Variants in FAR2 observed in about 807,000 individuals in gnomAD.
The protein encoded by FAR2 is fatty acyl-CoA reductase 2, also known as epididymis secretory protein Li 81.
In FAR2, 19 loss-of-function variants were observed where a neutral mutation model predicts 56.0. The ratio of observed to expected loss-of-function variants is 0.34; its 90% CI spans 0.24 to 0.50. FAR2 has a LOEUF of 0.50. Ranked by LOEUF, FAR2 falls within the 20% of genes least tolerant of loss-of-function variation. FAR2 has a pLI of 0.98. For synonymous variants in FAR2, 219 were observed against 218.8 expected, an observed-to-expected ratio of 1.00 and a Z score of -0.01; for missense variants, 508 against 642.2, an observed-to-expected ratio of 0.79 and a Z score of 2.26.
intron 6 of FAR2, among the ~76,000 whole-genome samples, chr12:29,310,199 C>T (rs1218590604): frequency 6.6e-6 from 1 of 152,196 alleles, no homozygotes; most frequent in Non-Finnish European, 1.5e-5. Flanking sequence ...GATCCCAAAA[C>T]GGCTTTCATT....
intron 1 of FAR2, among the ~76,000 whole-genome samples, chr12:29,210,925 A>T (rs2136628287): frequency 6.9e-6 from 1 of 144,526 alleles, no homozygotes; most frequent in Non-Finnish European, 1.5e-5. Context: ...GGTGTGACAG[A>T]GTGAGACTCC....
intron 1 of FAR2, among the ~76,000 whole-genome samples, chr12:29,196,280 G>C (rs949176143): frequency 6.6e-6 from 1 of 152,068 alleles, no homozygotes; most frequent in Non-Finnish European, 1.5e-5. Flanking sequence ...TTCCATAGAG[G>C]TTGTACTAAT....
In FAR2 at chr12:29,295,784, C is replaced by CG. The variant is rs1273827133; in HGVS notation, c.366-1235dup. Among the ~76,000 whole-genome samples the CG allele has an allele frequency of 8.5e-4, 77 of 90,330 alleles. 1 individual carries two copies. The Admixed American group carries it at 9.4e-3, about 11-fold the overall frequency. The allele number at this position is 90,330 out of a possible 152,430, so 59.3% of individuals were successfully genotyped here. ...TTTTTTTTTTTTTTTTTTTTTGAGA[C>CG]GGAGTCTCGCTCTGTCGCCCAGGCC... On this transcript the variant is annotated intron_variant, in intron 3 of 11. Coordinates refer to ENST00000536681, the MANE Select transcript of FAR2 (RefSeq NM_001271783.2).
At chr12:29,247,060 C>T (rs867315309) in intron 1 of FAR2, among the ~76,000 whole-genome samples, 1 of 152,230 alleles carries the variant, frequency 6.6e-6, no homozygotes, top group South Asian at 2.1e-4. Flanking sequence ...CATGTATTTA[C>T]ATTTACTCAC....
chr12:29,181,029 C>T (rs943810105), intron 1 of FAR2, among the ~76,000 whole-genome samples: 1 of 151,914 alleles, frequency 6.6e-6, no homozygotes, highest in African/African-American at 2.4e-5. Flanking sequence ...AGTTTTATTA[C>T]CCTTAAATAT....
At chr12:29,213,978 T>G (rs1369583813) in intron 1 of FAR2, among the ~76,000 whole-genome samples, 1 of 152,186 alleles carries the variant, frequency 6.6e-6, no homozygotes, top group South Asian at 2.1e-4. Context: ...ATAAATATAA[T>G]CTGAAGTTCC....
intron 2 of FAR2, among the ~76,000 whole-genome samples, chr12:29,291,088 A>C (rs1422873079): frequency 6.6e-6 from 1 of 152,138 alleles, no homozygotes; most frequent in Non-Finnish European, 1.5e-5. Context: ...CCTGTATAAA[A>C]ACATCTCATG....
intron 1 of FAR2, among the ~76,000 whole-genome samples, chr12:29,224,841 G>A (rs551824715): frequency 6.6e-6 from 1 of 152,278 alleles, no homozygotes; most frequent in East Asian, 1.9e-4. Context: ...ATGATTATAT[G>A]GAACAGTTGA....
At chr12:29,168,911 T>A (rs1013996999) in intron 1 of FAR2, among the ~76,000 whole-genome samples, 9 of 152,214 alleles carry the variant, frequency 5.9e-5, no homozygotes, top group African/African-American at 2.2e-4. Context: ...TGATCCATTT[T>A]ACAGAGCGTT....
intron 4 of FAR2, among the ~76,000 whole-genome samples, chr12:29,301,434 T>G (rs1247212161): frequency 6.6e-6 from 1 of 152,216 alleles, no homozygotes; most frequent in Non-Finnish European, 1.5e-5. Flanking sequence ...AATTCCAGTT[T>G]TCCAGAATAA....
chr12:29,176,026 T>C (rs1949934813), intron 1 of FAR2, among the ~76,000 whole-genome samples: 1 of 152,214 alleles, frequency 6.6e-6, no homozygotes, highest in Admixed American at 6.5e-5. Context: ...TTATGAAATT[T>C]AAAAGGTTGG....
intron 1 of FAR2, among the ~76,000 whole-genome samples, chr12:29,153,027 A>G (rs1949693450): frequency 1.3e-5 from 2 of 152,234 alleles, no homozygotes; most frequent in South Asian, 4.1e-4. Context: ...TAAGTCTGTA[A>G]CAGAAATTCC....
chr12:29,175,718 C>A (rs1252646166), intron 1 of FAR2, among the ~76,000 whole-genome samples: 1 of 152,122 alleles, frequency 6.6e-6, no homozygotes, highest in Non-Finnish European at 1.5e-5. Context: ...TGATTTGGTG[C>A]GTTTTTACAG....
At chr12:29,190,368 G>A (rs968716121) in intron 1 of FAR2, among the ~76,000 whole-genome samples, 1 of 151,246 alleles carries the variant, frequency 6.6e-6, no homozygotes, top group Non-Finnish European at 1.5e-5. Context: ...AGACACTTCA[G>A]CATTTAGAGG....
In FAR2 at chr12:29,250,906, C is replaced by T. The variant is rs150945644; in HGVS notation, c.-38-19506C>T. Among the ~76,000 whole-genome samples the T allele has an allele frequency of 4.1e-4, 63 of 152,272 alleles. No individual in the cohort carries two copies. The East Asian group carries it at 7.7e-3, about 19-fold the overall frequency. ...GAATTTACAGTGGAAGCTCCTGTCA[C>T]TGAATTGGAAAACCTAACTGCAATG... On this transcript the variant is annotated intron_variant, in intron 1 of 11. Coordinates refer to ENST00000536681, the MANE Select transcript of FAR2 (RefSeq NM_001271783.2).
chr12:29,279,334 C>T (rs561083210), intron 2 of FAR2, among the ~76,000 whole-genome samples: 6 of 152,348 alleles, frequency 3.9e-5, no homozygotes, highest in Non-Finnish European at 5.9e-5. Flanking sequence ...TTGCCTCGGA[C>T]TGCCTACCAC....
intron 1 of FAR2, among the ~76,000 whole-genome samples, chr12:29,182,191 G>A (rs1949998552): frequency 6.6e-6 from 1 of 152,226 alleles, no homozygotes; most frequent in Non-Finnish European, 1.5e-5. Context: ...TAAAGGTGGT[G>A]TAGACCCAAA....
chr12:29,323,387 T>C (rs1465094220), intron 10 of FAR2, among the ~76,000 whole-genome samples: 1 of 152,148 alleles, frequency 6.6e-6, no homozygotes, highest in East Asian at 1.9e-4. Context: ...TCTGACAGCT[T>C]TGAAGAGAGT....
intron 2 of FAR2, among the ~76,000 whole-genome samples, chr12:29,280,057 T>G (rs1465004069): frequency 6.6e-6 from 1 of 152,058 alleles, no homozygotes; most frequent in African/African-American, 2.4e-5. Flanking sequence ...CCCAAGTAGC[T>G]GGGATTACAG....
Sources: allele counts gnomAD v4.1 joint callset (sites outside exome capture counted in the v4.1 genomes callset), GRCh38; gene constraint gnomAD v4.1.1; transcripts MANE v1.5; gene names NCBI Gene and HGNC (gene_info 2026-07-23, HGNC 2026-07-21).